Variants in NSD2 observed in about 807,000 individuals in gnomAD.
NSD2 encodes the protein nuclear receptor binding SET domain protein 2.
In NSD2, 12 loss-of-function variants were observed where a neutral mutation model predicts 139.0. The observed-to-expected ratio is 0.09, with a 90% CI of 0.06 to 0.14. NSD2 has a LOEUF of 0.14. NSD2 is among the 10% of genes least tolerant of loss of function. NSD2 has a pLI of 1.00. For missense variants in NSD2, 1,155 were observed against 1,745.0 expected (o/e 0.66, Z 6.02); for synonymous variants, 669 against 648.7 (o/e 1.03, Z -0.48).
Position 1,945,841 on chromosome 4 carries a change from G to A in NSD2, c.1882-5231G>A, listed in dbSNP as rs965199389. On this transcript the variant is annotated intron_variant, in intron 9 of 21. Coordinates refer to ENST00000508803, the MANE Select transcript of NSD2 (RefSeq NM_001042424.3). ...GCTGGAGAGGCTCCTGTCTGATAGC[G>A]GTAGATGAAAAATAAGGTCGTTATG... 29 of 1,062,512 alleles carry A rather than the reference G, an allele frequency of 2.7e-5. 1 individual carries two copies. The highest frequency in any genetic ancestry group is 8.3e-4 in the Middle Eastern group (2 of 2,404). 65.8% of individuals were successfully genotyped at this position (1,062,512 alleles called of 1,614,324 possible).
intron 18 of NSD2, among the ~76,000 whole-genome samples, chr4:1,963,829 C>G (rs921499152): frequency 2.6e-5 from 4 of 152,156 alleles, no homozygotes; most frequent in African/African-American, 9.7e-5. Flanking sequence ...GCCTGGGTAA[C>G]ACAGACCCTC....
chr4:1,890,958 A>G (rs572474424), intron 1 of NSD2, among the ~76,000 whole-genome samples: 75 of 151,708 alleles, frequency 4.9e-4, no homozygotes, highest in African/African-American at 1.6e-3. Flanking sequence ...CAGTGGCGTG[A>G]TCTTGGCTCA....
intron 7 of NSD2, among the ~76,000 whole-genome samples, 161 bp downstream of exon 7, chr4:1,935,423 C>A (rs959312825): frequency 2.0e-5 from 3 of 152,154 alleles, no homozygotes; most frequent in African/African-American, 4.8e-5. Context: ...CTTACAGAAC[C>A]CCATTGAGAA....
chr4:1,908,940 A>T (rs1432604195), intron 3 of NSD2, among the ~76,000 whole-genome samples: 1 of 151,864 alleles, frequency 6.6e-6, no homozygotes, highest in Non-Finnish European at 1.5e-5. Flanking sequence ...GAGCCACCAT[A>T]CCTGTCCCCA....
intron 1 of NSD2, among the ~76,000 whole-genome samples, chr4:1,876,754 C>A (rs1159541655): frequency 6.6e-6 from 1 of 151,116 alleles, no homozygotes; most frequent in Admixed American, 6.6e-5. Flanking sequence ...AGAAAAAATG[C>A]TTTTTTTTTC....
intron 5 of NSD2, among the ~76,000 whole-genome samples, chr4:1,928,751 G>A (rs1721265915): frequency 6.6e-6 from 1 of 152,024 alleles, no homozygotes; most frequent in Non-Finnish European, 1.5e-5. Context: ...GGCAGAGGTG[G>A]GTGGGAGGGC....
chr4:1,879,982 G>T (rs1306942980), intron 1 of NSD2, among the ~76,000 whole-genome samples: 1 of 152,028 alleles, frequency 6.6e-6, no homozygotes, highest in Non-Finnish European at 1.5e-5. Flanking sequence ...AGGGCCCTTT[G>T]ATATGTCTTC....
At chr4:1,896,775 TTTTTC>T (rs766703290) in intron 1 of NSD2, among the ~76,000 whole-genome samples, 64 of 152,096 alleles carry the variant, frequency 4.2e-4, no homozygotes, top group African/African-American at 6.3e-4. Flanking sequence ...TCTTCTCTTT[TTTTTC>T]TTTTCTTTTC....
intron 5 of NSD2, among the ~76,000 whole-genome samples, chr4:1,928,524 A>T (rs1471168431): frequency 6.6e-6 from 1 of 152,108 alleles, no homozygotes; most frequent in African/African-American, 2.4e-5. Flanking sequence ...GTTAATGAGG[A>T]GTCATTGCTC....
intron 6 of NSD2, among the ~76,000 whole-genome samples, chr4:1,932,552 G>T (rs1294748061): frequency 4.0e-5 from 6 of 151,198 alleles, no homozygotes; most frequent in Non-Finnish European, 8.8e-5. Flanking sequence ...TTTGAGACCA[G>T]CCTGACCAGC....
At chr4:1,932,582 A>G (rs1721785719) in intron 6 of NSD2, among the ~76,000 whole-genome samples, 1 of 151,754 alleles carries the variant, frequency 6.6e-6, no homozygotes, top group South Asian at 2.1e-4. Flanking sequence ...CCCCATCTCT[A>G]CTAAAAATAC....
chr4:1,931,774 C>A (rs1171857768), intron 6 of NSD2, among the ~76,000 whole-genome samples: 1 of 152,136 alleles, frequency 6.6e-6, no homozygotes, highest in African/African-American at 2.4e-5. Flanking sequence ...ATTGCAAATA[C>A]TATAATTTAG....
chr4:1,955,017 A>G lies in NSD2; in HGVS notation c.2339-144A>G, dbSNP rs1724657467. The G allele has an allele frequency of 3.1e-6, 3 of 972,654 alleles. No individual in the cohort carries two copies. Among genetic ancestry groups the G allele is most frequent in the East Asian group, 5.3e-5 (2 of 37,622 alleles). The allele number at this position is 972,654 out of a possible 1,614,324, so 60.3% of individuals were successfully genotyped here. A position where few individuals can be genotyped will look rare whatever the true frequency, so the allele number is the denominator to read the frequency against. ...ATGGTTTTGAAGCACCTTTGCTCTG[A>G]AAGCTTTTTTTAAATCAAATACCTC... On this transcript the variant is annotated intron_variant, in intron 12 of 21. Coordinates refer to ENST00000508803, the MANE Select transcript of NSD2 (RefSeq NM_001042424.3). This position sits in a 1 kb window ranked among gnomAD's most constrained non-coding sequence, Gnocchi z 4.7.
chr4:1,947,761 C>T, intron 9 of NSD2: 5 of 1,049,642 alleles, frequency 4.8e-6, no homozygotes, highest in Non-Finnish European at 5.8e-6. Context: ...AAAATTATGT[C>T]AGTTTATAGA....
intron 6 of NSD2, among the ~76,000 whole-genome samples, chr4:1,933,451 G>A (rs1011794592): frequency 1.3e-5 from 2 of 152,128 alleles, no homozygotes; most frequent in African/African-American, 2.4e-5. Context: ...GTGCAGTGGC[G>A]CGATCTCGGC....
intron 6 of NSD2, among the ~76,000 whole-genome samples, chr4:1,931,714 TTCA>T (rs1418014555): frequency 1.3e-5 from 2 of 152,190 alleles, no homozygotes; most frequent in African/African-American, 4.8e-5. Context: ...TCTAGATCTC[TTCA>T]TCAGCTATCT....
Position 1,976,472 on chromosome 4 carries a change from T to C in NSD2, c.3622-3T>C, listed in dbSNP as rs561510739. 1.1e-4 allele frequency: 178 copies of C among 1,612,790 alleles called. 3 individuals carry two copies. In the South Asian group the frequency reaches 1.9e-3, roughly 17 times the overall value. On this transcript the variant is annotated splice_region_variant and splice_polypyrimidine_tract_variant and intron_variant, in intron 20 of 21. Transcript: ENST00000508803. This position sits in a 1 kb window ranked among gnomAD's most constrained non-coding sequence, Gnocchi z 5.3. ...GTGATCTGTGCTTAATTCTTGACTC[T>C]AGACCTCGACGACCCTTTCATCAGA...
chr4:1,930,471 T>A (rs1721509125), intron 5 of NSD2, among the ~76,000 whole-genome samples, 155 bp from the exon 6 acceptor site: 1 of 152,230 alleles, frequency 6.6e-6, no homozygotes, highest in Admixed American at 6.5e-5. Flanking sequence ...AAGCACTACT[T>A]TTCTTTGAAG....
intron 6 of NSD2, among the ~76,000 whole-genome samples, chr4:1,934,615 C>T (rs1253164407): frequency 1.3e-5 from 2 of 149,282 alleles, no homozygotes; most frequent in African/African-American, 2.5e-5. Context: ...TTTGGGAGGC[C>T]GAGGCAGGCG....
Sources: gnomAD v4.1 joint callset for allele counts (sites outside exome capture counted in the v4.1 genomes callset) on GRCh38, gnomAD v4.1.1 for gene constraint, Gnocchi (gnomAD v3.1) non-coding constraint, MANE v1.5 for transcripts, NCBI Gene and HGNC (gene_info 2026-07-23, HGNC 2026-07-21) for gene names.